The following SERP2 variants were observed in gnomAD, a reference collection of about 807,000 sequenced individuals.
SERP2 encodes stress-associated endoplasmic reticulum protein 2.
Under a neutral mutation model 9.1 loss-of-function variants are expected in SERP2, and 6 were observed. The observed-to-expected ratio is 0.66, with a 90% confidence interval of 0.36 to 1.30. The LOEUF is 1.30. Ranked by LOEUF, SERP2 falls within the 50% of genes most tolerant of loss-of-function variation. The pLI is 0.03. For synonymous variants in SERP2, 37 were observed against 27.3 expected, an observed-to-expected ratio of 1.35 and a Z score of -1.10; for missense variants, 58 against 81.9, an observed-to-expected ratio of 0.71 and a Z score of 1.13.
chr13:44,391,814 A>AACC lies in SERP2; in HGVS notation c.158-5458_158-5457insACC, dbSNP rs1228411699. Among the ~76,000 whole-genome samples, 307 of 152,266 alleles carry AACC rather than the reference A, an allele frequency of 2.0e-3. 1 individual carries two copies. Among genetic ancestry groups the AACC allele is most frequent in the African/African-American group, 7.0e-3 (292 of 41,540 alleles). On this transcript the variant is annotated intron_variant, in intron 2 of 2. Coordinates refer to ENST00000379179, the MANE Select transcript of SERP2 (RefSeq NM_001010897.3). ...AGTCTGAGAACCTCTGCTCCAGGTG[A>AACC]TCAAAGAAGGCTTCTCTGAAGACAT...
intron 2 of SERP2, among the ~76,000 whole-genome samples, chr13:44,393,545 G>A (rs528378995): frequency 2.0e-5 from 3 of 152,212 alleles, no homozygotes; most frequent in East Asian, 1.9e-4. Context: ...GCCCTGGAAC[G>A]CCTGCTGTCC....
At chr13:44,384,516 C>G (rs1038639577) in intron 2 of SERP2, among the ~76,000 whole-genome samples, 3 of 152,186 alleles carry the variant, frequency 2.0e-5, no homozygotes, top group African/African-American at 7.2e-5. Flanking sequence ...TCCCCTACAT[C>G]TCACATCTGC....
intron 2 of SERP2, among the ~76,000 whole-genome samples, chr13:44,393,820 T>C (rs1872924866): frequency 6.6e-6 from 1 of 152,102 alleles, no homozygotes; most frequent in South Asian, 2.1e-4. Flanking sequence ...TTAATATAAT[T>C]AGAATGTGTA....
Position 44,373,920 on chromosome 13 carries a change from C to A in SERP2, c.-106C>A. The A allele has an allele frequency of 9.3e-7, 1 of 1,076,942 alleles. No individual in the cohort carries two copies. The highest frequency in any genetic ancestry group is 1.4e-6 in the Non-Finnish European group (1 of 740,154). 66.7% of individuals were successfully genotyped at this position (1,076,942 alleles called of 1,614,324 possible). A position where few individuals can be genotyped will look rare whatever the true frequency, so the allele number is the denominator to read the frequency against. On this transcript the variant is annotated 5_prime_UTR_variant, in exon 1 of 3. Transcript: ENST00000379179. The surrounding 1 kb of genome is among the most constrained non-coding windows in gnomAD (Gnocchi z 4.8). ...CGGGGCCACGCCTTGCCACCTGCAG[C>A]GCCCGGGTGGGCCGCGGGGGCCTCG...
At chr13:44,374,137 A>G (rs1275972027) in intron 1 of SERP2, 28 bp downstream of exon 1, 4 of 1,068,416 alleles carry the variant, frequency 3.7e-6, no homozygotes, top group African/African-American at 1.8e-5. Context: ...CCGGCCAGGC[A>G]GAGCCCTGCA....
intron 2 of SERP2, chr13:44,390,793 A>G (rs749495197): frequency 1.3e-5 from 2 of 157,104 alleles, no homozygotes; most frequent in Non-Finnish European, 2.8e-5. Context: ...AGAAAATGGC[A>G]TCTTGCTTTT....
rs373109847 is a variant in SERP2 at position 44,383,544 on chromosome 13, G to GTTTTT, written c.157+3835_157+3839dup. ...TAGCTCCACCTCTCTGGAGGTTTGCGTTTTTTTTGTTTTTTTTTTTTTGAG... is the reference window on the plus strand; with the variant it reads ...TAGCTCCACCTCTCTGGAGGTTTGCGTTTTTTTTTTTTTGTTTTTTTTTTTTTGAG... On this transcript the variant is annotated intron_variant, in intron 2 of 2. Transcript: ENST00000379179. 1.7e-3 allele frequency among the ~76,000 whole-genome samples: 158 copies of GTTTTT among 91,792 alleles called. 13 individuals carry two copies. Among genetic ancestry groups the GTTTTT allele is most frequent in the Admixed American group, 2.4e-3 (19 of 7,884 alleles). The allele number at this position is 91,792 out of a possible 152,430, so 60.2% of individuals were successfully genotyped here. A position where few individuals can be genotyped will look rare whatever the true frequency, so the allele number is the denominator to read the frequency against.
chr13:44,384,290 T>C (rs1260895146), intron 2 of SERP2, among the ~76,000 whole-genome samples: 1 of 152,230 alleles, frequency 6.6e-6, no homozygotes, highest in African/African-American at 2.4e-5. Context: ...GAACCGACTA[T>C]TCCCTCTAGA....
intron 2 of SERP2, among the ~76,000 whole-genome samples, chr13:44,395,531 G>A (rs1344834129): frequency 6.7e-6 from 1 of 150,362 alleles, no homozygotes; most frequent in Admixed American, 6.6e-5. Flanking sequence ...GTGAACCGGG[G>A]AGGCGGAGCT....
At chr13:44,395,929 C>T in intron 2 of SERP2, 1 of 445,550 alleles carries the variant, frequency 2.2e-6, no homozygotes, top group Non-Finnish European at 4.5e-6. Flanking sequence ...CCCAGAAGTG[C>T]AGCTGACCAG....
In SERP2 at chr13:44,379,701, G is replaced by A; in HGVS notation, c.145G>A (p.Val49Ile). The stretch of plus-strand genomic sequence containing the variant: ...GCTGTTGGCACTGTTTGTTTTTGTT[G>A]TCTGTGGCTCAGGTATGGGTGTTTC... The part of the protein sequence containing the change: ...PWLLALFVFV[V>I]CGSAIFQIIQ... Residue 49 changes from valine to isoleucine, a missense_variant, in exon 2 of 3, where the codon GTC (valine) becomes ATC (isoleucine). By Grantham distance (29) the Val-to-Ile change is conservative. Coordinates refer to ENST00000379179, the MANE Select transcript of SERP2 (RefSeq NM_001010897.3). 6.2e-7 allele frequency: 1 copy of A among 1,611,674 alleles called. No homozygotes were observed. Among genetic ancestry groups the A allele is most frequent in the Non-Finnish European group, 8.5e-7 (1 of 1,178,514 alleles).
At chr13:44,387,658 A>G (rs1473115897) in intron 2 of SERP2, among the ~76,000 whole-genome samples, 1 of 152,152 alleles carries the variant, frequency 6.6e-6, no homozygotes, top group African/African-American at 2.4e-5. Flanking sequence ...CCCTACATTG[A>G]CAGGATGCAG....
intron 2 of SERP2, among the ~76,000 whole-genome samples, chr13:44,392,391 G>A (rs563166581): frequency 6.0e-4 from 91 of 151,992 alleles, no homozygotes; most frequent in African/African-American, 2.1e-3. Context: ...CAGTAAACAC[G>A]GGAGTGACAA....
chr13:44,385,865 C>T (rs1171093153), intron 2 of SERP2, among the ~76,000 whole-genome samples: 1 of 152,156 alleles, frequency 6.6e-6, no homozygotes, highest in East Asian at 1.9e-4. Context: ...CTACAGTCAC[C>T]ACCACCTCTG....
At chr13:44,381,178 C>T (rs1871947246) in intron 2 of SERP2, among the ~76,000 whole-genome samples, 1 of 145,328 alleles carries the variant, frequency 6.9e-6, no homozygotes, top group African/African-American at 2.6e-5. Context: ...CAGAGGTTGC[C>T]ATGAGCCAGA....
At chr13:44,381,943 T>C (rs765003466) in intron 2 of SERP2, among the ~76,000 whole-genome samples, 3 of 152,166 alleles carry the variant, frequency 2.0e-5, no homozygotes, top group Non-Finnish European at 4.4e-5. Flanking sequence ...TATTTTTCAT[T>C]AAATTTGTAG....
At chr13:44,378,357 G>C (rs1871778686) in intron 1 of SERP2, among the ~76,000 whole-genome samples, 1 of 152,164 alleles carries the variant, frequency 6.6e-6, no homozygotes, top group Non-Finnish European at 1.5e-5. Flanking sequence ...CTTGATGATA[G>C]CACCACTCGT....
At chr13:44,397,206 A>G in intron 2 of SERP2, 66 bp from the exon 3 acceptor site, 3 of 1,385,550 alleles carry the variant, frequency 2.2e-6, no homozygotes, top group Non-Finnish European at 3.1e-6. Flanking sequence ...AGCCGGGCTC[A>G]CTGTGGGCTG....
At chr13:44,391,091 C>T (rs1202467469) in intron 2 of SERP2, 1 of 152,124 alleles carries the variant, frequency 6.6e-6, no homozygotes, top group African/African-American at 2.4e-5. Flanking sequence ...TTTAGGAAGC[C>T]TCCTGTTACC....
Sources: gnomAD v4.1 joint callset for allele counts (sites outside exome capture counted in the v4.1 genomes callset) on GRCh38, gnomAD v4.1.1 for gene constraint, Gnocchi (gnomAD v3.1) non-coding constraint, MANE v1.5 for transcripts, NCBI Gene and HGNC (gene_info 2026-07-23, HGNC 2026-07-21) for gene names.